CLPP: variants seen among roughly 807,000 people sequenced by gnomAD.
CLPP encodes the protein ATP-dependent Clp protease proteolytic subunit, mitochondrial.
CLPP carries 14 observed loss-of-function variants against 27.4 expected under a neutral mutation model. The ratio of observed to expected loss-of-function variants is 0.51; its 90% confidence interval spans 0.34 to 0.80. CLPP has a LOEUF of 0.80. Among genes scored for constraint, CLPP ranks in the 30% least tolerant of loss-of-function variants. CLPP has a pLI of 0.02. For missense variants in CLPP, 361 were observed against 403.6 expected (o/e 0.89, Z 0.90); for synonymous variants, 193 against 166.6 (o/e 1.16, Z -1.22).
chr19:6,369,558 C>T lies in CLPP; in HGVS notation c.*848C>T, dbSNP rs1187320324. ...CCTCAAAGGAGGTGAGGGGTGGAGC[C>T]TGTGTCCAGGCAGAGGGCACAGCCA... On this transcript the variant is annotated 3_prime_UTR_variant, in exon 6 of 6. Transcript: ENST00000245816. Among the ~76,000 whole-genome samples the T allele has an allele frequency of 6.6e-6, 1 of 152,160 alleles. No homozygotes were observed. Among genetic ancestry groups the T allele is most frequent in the African/African-American group, 2.4e-5 (1 of 41,436 alleles).
chr19:6,362,061 TCCCTC>T, intron 2 of CLPP, 121 bp downstream of exon 2: 1 of 883,702 alleles, frequency 1.1e-6, no homozygotes, highest in East Asian at 2.7e-5. Flanking sequence ...CTAACCCCCT[TCCCTC>T]CCCTTCTGAC....
chr19:6,363,828 G>T (rs2091848120), intron 3 of CLPP, among the ~76,000 whole-genome samples: 1 of 150,946 alleles, frequency 6.6e-6, no homozygotes, highest in South Asian at 2.1e-4. Context: ...CCGGGAGGTG[G>T]AGGTTGCAGT....
chr19:6,362,182 C>G (rs2091838491), intron 2 of CLPP: 2 of 601,584 alleles, frequency 3.3e-6, no homozygotes, highest in Non-Finnish European at 3.0e-6. Flanking sequence ...TCCCCTCATT[C>G]CTACGCTCAA....
chr19:6,362,798 A>C (rs549420340), intron 3 of CLPP, among the ~76,000 whole-genome samples: 5 of 152,212 alleles, frequency 3.3e-5, no homozygotes, highest in African/African-American at 1.2e-4. Flanking sequence ...AAAAATTGGT[A>C]GATTTTAGGC....
chr19:6,361,631 G>T lies in CLPP; in HGVS notation c.57G>T (p.Ala19=). The change falls in exon 1 of 6, where the codon GCG becomes GCT. Residue 19 remains alanine, a synonymous_variant. Coordinates refer to ENST00000245816, the MANE Select transcript of CLPP (RefSeq NM_006012.4). ...GARVASCRYP[A]LGPRLAAHFP... is the part of the protein sequence containing the mutation. Reference sequence around the variant, plus strand: ...GGGTGGCGTCATGCAGGTACCCCGCGCTGGGGCCTCGCCTCGCCGCTCACT... The same window carrying T: ...GGGTGGCGTCATGCAGGTACCCCGCTCTGGGGCCTCGCCTCGCCGCTCACT... 7.0e-7 allele frequency: 1 copy of T among 1,426,270 alleles called. No individual in the cohort carries two copies. The allele number at this position is 1,426,270 out of a possible 1,614,324, so 88.4% of individuals were successfully genotyped here.
At chr19:6,362,569 G>A in intron 3 of CLPP, 27 bp downstream of exon 3, 1 of 1,508,850 alleles carries the variant, frequency 6.6e-7, no homozygotes, top group Non-Finnish European at 9.2e-7. Context: ...CTGGGTGCCA[G>A]GGGCACTCGT....
intron 5 of CLPP, among the ~76,000 whole-genome samples, chr19:6,368,153 G>C (rs1433755809): frequency 1.3e-5 from 2 of 152,146 alleles, no homozygotes; most frequent in African/African-American, 4.8e-5. Flanking sequence ...AAACACCACA[G>C]ACCTCAACAG....
At chr19:6,363,948 C>T (rs1206951173) in intron 3 of CLPP, among the ~76,000 whole-genome samples, 1 of 151,210 alleles carries the variant, frequency 6.6e-6, no homozygotes, top group Non-Finnish European at 1.5e-5. Context: ...CGTGTAATCC[C>T]AACACTTTGG....
chr19:6,364,639 G>A lies in CLPP; in HGVS notation c.555G>A (p.Arg185=). ...IMIHQPSGGA[R]GQATDIAIQA... is the part of the protein sequence containing the mutation. ...TCCACCAGCCCTCAGGAGGCGCCCG[G>A]GTGAGTGCCAGACACGCGAGCTGCT... Residue 185 remains arginine, a splice_region_variant and synonymous_variant, in exon 4 of 6, where the codon CGG becomes CGA. Transcript: ENST00000245816. 1 of 1,608,518 alleles carries A rather than the reference G, an allele frequency of 6.2e-7. No homozygotes were observed. The highest frequency in any genetic ancestry group is 8.5e-7 in the Non-Finnish European group (1 of 1,178,254).
At chr19:6,368,311 G>A (rs951059704) in intron 5 of CLPP, among the ~76,000 whole-genome samples, 6 of 152,046 alleles carry the variant, frequency 3.9e-5, no homozygotes, top group Non-Finnish European at 7.4e-5. Flanking sequence ...AAGTGCACTG[G>A]TGTCTCCTCT....
intron 4 of CLPP, 109 bp from the exon 5 acceptor site, chr19:6,366,149 C>A: frequency 1.5e-6 from 1 of 677,086 alleles, no homozygotes; most frequent in Middle Eastern, 2.5e-4. Context: ...CAGCCTCAAA[C>A]CGGAAGCCCA....
At chr19:6,366,434 C>T (rs1008170030) in intron 5 of CLPP, 71 bp downstream of exon 5, 1 of 1,182,392 alleles carries the variant, frequency 8.5e-7, no homozygotes, top group Non-Finnish European at 1.2e-6. Context: ...GCCAGGGCTT[C>T]TCCACCTGGC....
At chr19:6,363,038 C>T (rs1381137865) in intron 3 of CLPP, among the ~76,000 whole-genome samples, 2 of 151,974 alleles carry the variant, frequency 1.3e-5, no homozygotes, top group Non-Finnish European at 2.9e-5. Flanking sequence ...TGTAGTGAGC[C>T]CATCTCAAAA....
Position 6,361,900 on chromosome 19 carries a change from C to T in CLPP, c.230C>T (p.Ser77Leu). 1 of 1,598,668 alleles carries T rather than the reference C, an allele frequency of 6.3e-7. No homozygotes were observed. The highest frequency in any genetic ancestry group is 8.5e-7 in the Non-Finnish European group (1 of 1,179,328). Residue 77 changes from serine to leucine, a missense_variant, in exon 2 of 6, where the codon TCG (serine) becomes TTG (leucine). This residue lies in a region of CLPP where 148 missense variants were observed against 122.6 expected (regional missense o/e 1.21). Transcript: ENST00000245816. The stretch of plus-strand genomic sequence containing the variant: ...GGCGAGCGCGCCTATGACATCTACT[C>T]GCGGCTGCTGCGGGAGCGCATCGTG... ...GRGERAYDIY[S>L]RLLRERIVCV...
chr19:6,365,496 A>G (rs576306340), intron 4 of CLPP, among the ~76,000 whole-genome samples: 37 of 152,252 alleles, frequency 2.4e-4, no homozygotes, highest in Non-Finnish European at 4.6e-4. Flanking sequence ...GGAAAAAAAG[A>G]AAATGCACTG....
intron 4 of CLPP, 41 bp downstream of exon 4, chr19:6,364,680 A>G (rs749826388): frequency 7.0e-6 from 11 of 1,580,202 alleles, no homozygotes; most frequent in Non-Finnish European, 9.5e-6. Context: ...GAATCAGGAC[A>G]GGGTCTAGAC....
At chr19:6,363,411 C>G (rs992852253) in intron 3 of CLPP, among the ~76,000 whole-genome samples, 5 of 152,128 alleles carry the variant, frequency 3.3e-5, no homozygotes, top group Non-Finnish European at 5.9e-5. Flanking sequence ...GCATGAGCCA[C>G]CACGCCTGGC....
rs8105756 is a variant in CLPP, at chr19:6,369,698, G to T, written c.*988G>T. The stretch of plus-strand genomic sequence containing the variant: ...AAAAGTAGAGGTGAAAATTAGCCAG[G>T]CGTGATGGTGCACTTGAACCCGGGA... On this transcript the variant is annotated 3_prime_UTR_variant, in exon 6 of 6. Transcript: ENST00000245816. 0.25 allele frequency among the ~76,000 whole-genome samples: 37,484 copies of T among 151,588 alleles called. 8,296 individuals carry two copies. Among genetic ancestry groups the T allele is most frequent in the African/African-American group, 0.58 (24,115 of 41,250 alleles).
Position 6,361,899 on chromosome 19 carries a change from T to C in CLPP, c.229T>C (p.Ser77Pro), listed in dbSNP as rs1178205265. The change falls in exon 2 of 6, where the codon TCG becomes CCG. Residue 77 changes from serine to proline, a missense_variant. Physicochemically the swap from Ser to Pro is moderately conservative, Grantham distance 74. Transcript: ENST00000245816. Reference sequence around the variant, plus strand: ...CGGCGAGCGCGCCTATGACATCTACTCGCGGCTGCTGCGGGAGCGCATCGT... The same window carrying C: ...CGGCGAGCGCGCCTATGACATCTACCCGCGGCTGCTGCGGGAGCGCATCGT... ...GRGERAYDIY[S>P]RLLRERIVCV... 3.0e-5 allele frequency: 48 copies of C among 1,598,228 alleles called. No homozygotes were observed. The highest frequency in any genetic ancestry group is 1.5e-4 in the African/African-American group (11 of 74,606).
Sources: allele counts gnomAD v4.1 joint callset (sites outside exome capture counted in the v4.1 genomes callset), GRCh38; gene constraint gnomAD v4.1.1; regional missense constraint gnomAD v4.1.1; transcripts MANE v1.5; gene names NCBI Gene and HGNC (gene_info 2026-07-23, HGNC 2026-07-21).